The following NSUN4 variants were observed in gnomAD, a reference collection of about 807,000 sequenced individuals.
NSUN4 encodes the protein NOP2/Sun RNA methyltransferase 4.
Under a neutral mutation model 43.8 loss-of-function variants are expected in NSUN4, and 31 were observed. That is an observed-to-expected ratio of 0.71 (90% CI 0.53 to 0.96). The LOEUF (loss-of-function observed/expected upper bound fraction) is 0.96, where lower values mean the gene tolerates loss of function less well. Among genes scored for constraint, NSUN4 ranks in the 40% least tolerant of loss-of-function variants. The probability of loss-of-function intolerance (pLI) is 0.00; values close to 1 mark genes in which losing one functional copy is unlikely to be tolerated. For synonymous variants in NSUN4, 167 were observed against 184.1 expected (o/e 0.91, Z 0.75); for missense variants, 439 against 475.6 (o/e 0.92, Z 0.72).
At position 46,340,926 on chromosome 1, in the gene NSUN4, T is replaced by C. The variant is rs765613741; in HGVS notation, c.93+7T>C. 31 of 1,609,896 alleles carry C rather than the reference T, an allele frequency of 1.9e-5. No homozygotes were observed. Among genetic ancestry groups the C allele is most frequent in the Non-Finnish European group, 2.6e-5 (31 of 1,177,692 alleles). ...TCGATATAAGAAGAAATGGGTAAGGTCCGGCTGGGGGCGCAGGAGGGAAAA... is the reference window on the plus strand; with the variant it reads ...TCGATATAAGAAGAAATGGGTAAGGCCCGGCTGGGGGCGCAGGAGGGAAAA... On this transcript the variant is annotated splice_region_variant and intron_variant, in intron 1 of 5. Transcript: ENST00000474844.
chr1:46,378,396 C>T, the NSUN4 span, among the ~76,000 whole-genome samples: 2 of 152,102 alleles, frequency 1.3e-5, no homozygotes, highest in South Asian at 4.1e-4. Flanking sequence ...GAGGTTTCAT[C>T]ATGCTGAACA....
At chr1:46,348,624 G>T (rs372230945) in intron 3 of NSUN4, among the ~76,000 whole-genome samples, 4 of 147,112 alleles carry the variant, frequency 2.7e-5, no homozygotes, top group African/African-American at 5.0e-5. Context: ...CAGGAAAATC[G>T]CTTGAACCTG....
At chr1:46,371,285 G>A in the NSUN4 span, among the ~76,000 whole-genome samples, 2 of 151,094 alleles carry the variant, frequency 1.3e-5, no homozygotes, top group East Asian at 1.9e-4. Flanking sequence ...CTGTCACCAC[G>A]CCTGGCTAAT....
At chr1:46,374,112 C>T in the NSUN4 span, among the ~76,000 whole-genome samples, 1 of 151,728 alleles carries the variant, frequency 6.6e-6, no homozygotes, top group African/African-American at 2.4e-5. Context: ...CACGGTGAAA[C>T]CCCATCTCTA....
chr1:46,360,249 AATATATATAT>A lies in NSUN4; in HGVS notation c.754-436_754-427del, dbSNP rs773980804. Among the ~76,000 whole-genome samples, 184 of 25,768 alleles carry A rather than the reference AATATATATAT, an allele frequency of 7.1e-3. 4 individuals carry two copies. The highest frequency in any genetic ancestry group is 0.056 in the Middle Eastern group (2 of 36). The allele number at this position is 25,768 out of a possible 152,430, so 16.9% of individuals were successfully genotyped here. A position where few individuals can be genotyped will look rare whatever the true frequency, so the allele number is the denominator to read the frequency against. ...ATCTCAAAAAAAAAAAAAAAAAAAA[AATATATATAT>A]ATATATATATATATATATGTAAATT... On this transcript the variant is annotated intron_variant, in intron 4 of 5. Transcript: ENST00000474844.
In NSUN4 at chr1:46,361,166, A is replaced by G. The variant is rs566424709; in HGVS notation, c.878+338A>G. ...TGTCTCAAAAAACAAAAACAAAAACAAAAAAGCAACCCTATCTAGTAGGAT... is the reference window on the plus strand; with the variant it reads ...TGTCTCAAAAAACAAAAACAAAAACGAAAAAGCAACCCTATCTAGTAGGAT... On this transcript the variant is annotated intron_variant, in intron 5 of 5. Transcript: ENST00000474844. Among the ~76,000 whole-genome samples, 25 of 152,242 alleles carry G rather than the reference A, an allele frequency of 1.6e-4. No homozygotes were observed. The East Asian group carries it at 4.8e-3, about 29-fold the overall frequency.
chr1:46,354,661 CTT>C (rs11349261), intron 4 of NSUN4, among the ~76,000 whole-genome samples: 13 of 142,718 alleles, frequency 9.1e-5, no homozygotes, highest in Non-Finnish European at 1.2e-4. Flanking sequence ...TCATTTTTTT[CTT>C]TTTTTTTTTT....
At chr1:46,356,967 A>G (rs1168427194) in intron 4 of NSUN4, among the ~76,000 whole-genome samples, 1 of 152,158 alleles carries the variant, frequency 6.6e-6, no homozygotes, top group Admixed American at 6.5e-5. Context: ...TACAAATAAT[A>G]TTTGTTAGAC....
At position 46,358,811 on chromosome 1, in the gene NSUN4, A is replaced by C. The variant is rs148333394; in HGVS notation, c.754-1893A>C. ...TCTTTTGTTATTTAGGAAGGTTTAT[A>C]TTAATATTTTAATTCTACATTGGAT... On this transcript the variant is annotated intron_variant, in intron 4 of 5. Coordinates refer to ENST00000474844, the MANE Select transcript of NSUN4 (RefSeq NM_199044.4). Among the ~76,000 whole-genome samples the C allele has an allele frequency of 5.3e-3, 805 of 152,250 alleles. 9 individuals carry two copies. Among genetic ancestry groups the C allele is most frequent in the African/African-American group, 0.018 (765 of 41,530 alleles).
chr1:46,360,594 G>A (rs1663796140), intron 4 of NSUN4, 110 bp from the exon 5 acceptor site: 2 of 1,103,950 alleles, frequency 1.8e-6, no homozygotes, highest in African/African-American at 1.6e-5. Context: ...AGGAGGGATG[G>A]GCAGAGGGAA....
the NSUN4 span, among the ~76,000 whole-genome samples, chr1:46,371,679 A>T: frequency 3.3e-5 from 5 of 152,134 alleles, no homozygotes; most frequent in South Asian, 1.0e-3. Context: ...TGACTTCGTG[A>T]TCCCCCCGCC....
At chr1:46,366,704 CAAAAAAAAA>C (rs34437222), downstream of NSUN4, among the ~76,000 whole-genome samples, 1 of 59,408 alleles carries the variant, frequency 1.7e-5, no homozygotes, top group East Asian at 6.8e-4. Flanking sequence ...ACTAAAAATA[CAAAAAAAAA>C]AAAAAAAAAA....
intron 1 of NSUN4, 149 bp downstream of exon 1, chr1:46,341,068 A>T: frequency 9.6e-6 from 11 of 1,149,814 alleles, no homozygotes; most frequent in Non-Finnish European, 1.3e-5. Flanking sequence ...CTTTTCCGTC[A>T]CCGCCTCTGT....
rs1486794240 is a variant in NSUN4 at position 46,364,835 on chromosome 1, C to T, written c.*2989C>T. ...CTTCTGATTTGAGCTCTTCCAAAAC[C>T]AGGATGGATGCCTCACATAGATCAT... On this transcript the variant is annotated 3_prime_UTR_variant, in exon 6 of 6. Coordinates refer to ENST00000474844, the MANE Select transcript of NSUN4 (RefSeq NM_199044.4). The T allele has an allele frequency of 4.6e-5, 7 of 152,266 alleles. No homozygotes were observed. Among genetic ancestry groups the T allele is most frequent in the African/African-American group, 1.7e-4 (7 of 41,554 alleles). 9.4% of individuals were successfully genotyped at this position (152,266 alleles called of 1,614,324 possible).
intron 4 of NSUN4, among the ~76,000 whole-genome samples, chr1:46,357,138 G>A (rs1663437952): frequency 6.6e-6 from 1 of 152,150 alleles, no homozygotes; most frequent in Non-Finnish European, 1.5e-5. Context: ...TAGTGCAACA[G>A]TACAACTTCC....
At chr1:46,360,865 A>G (rs1353886352) in intron 5 of NSUN4, 37 bp downstream of exon 5, 4 of 1,610,390 alleles carry the variant, frequency 2.5e-6, no homozygotes, top group African/African-American at 2.7e-5. Flanking sequence ...ACTTTGTGCC[A>G]GAGTGCTCTG....
chr1:46,368,540 T>C (rs12075550), downstream of NSUN4, among the ~76,000 whole-genome samples: 59,723 of 151,958 alleles, frequency 0.39, 11,835 homozygotes, highest in South Asian at 0.5. Flanking sequence ...TTAGACCTCC[T>C]AAGCTCAGTT....
intron 3 of NSUN4, among the ~76,000 whole-genome samples, chr1:46,351,296 G>A (rs573967052): frequency 2.2e-4 from 34 of 152,228 alleles, no homozygotes; most frequent in African/African-American, 7.7e-4. Context: ...CCCGGGAGGC[G>A]GAGGTTATGG....
intron 2 of NSUN4, 148 bp from the exon 3 acceptor site, chr1:46,346,773 T>C (rs191347675): frequency 1.6e-6 from 1 of 628,318 alleles, no homozygotes; most frequent in East Asian, 2.7e-5. Context: ...TATAGATGAA[T>C]GAATAAGTGA....
Sources: allele counts gnomAD v4.1 joint callset (sites outside exome capture counted in the v4.1 genomes callset), GRCh38; gene constraint gnomAD v4.1.1; transcripts MANE v1.5; gene names NCBI Gene and HGNC (gene_info 2026-07-23, HGNC 2026-07-21).